Variants in TMC2 observed in about 807,000 individuals in gnomAD.
TMC2 encodes the protein transmembrane channel like 2.
In TMC2, 102 loss-of-function variants were observed where a neutral mutation model predicts 105.9. The ratio of observed to expected loss-of-function variants is 0.96; its 90% CI spans 0.82 to 1.14. The LOEUF (loss-of-function observed/expected upper bound fraction) is 1.14, where lower values mean the gene tolerates loss of function less well. Among genes scored for constraint, TMC2 ranks in the 50% most tolerant of loss-of-function variants. TMC2 has a pLI of 0.00. For missense variants in TMC2, 1,093 were observed against 1,134.3 expected (o/e 0.96, Z 0.52); for synonymous variants, 402 against 422.8 (o/e 0.95, Z 0.60).
chr20:2,537,393 C>T (rs115315122), intron 2 of TMC2, 77 bp downstream of exon 2: 1 of 1,184,676 alleles, frequency 8.4e-7, no homozygotes, highest in Non-Finnish European at 1.2e-6. Flanking sequence ...GTCCAGCCAC[C>T]CATCCAACAT....
chr20:2,633,566 T>C (rs1369354368), intron 17 of TMC2, among the ~76,000 whole-genome samples: 1 of 152,232 alleles, frequency 6.6e-6, no homozygotes, highest in African/African-American at 2.4e-5. Context: ...TTCACACTGA[T>C]TGGGCTTTGA....
rs1214364338 is a variant in TMC2, at chr20:2,592,278, C to T, written c.835-32C>T. On this transcript the variant is annotated intron_variant, in intron 7 of 19. Transcript: ENST00000358864. This position sits in a 1 kb window ranked among gnomAD's most constrained non-coding sequence, Gnocchi z 4.9. ...TCTCTGTGTGTTTGTATTTCCTCCA[C>T]TCATACTTGTGTCATTGTGTTTCTG... 1.4e-6 allele frequency: 2 copies of T among 1,435,158 alleles called. No homozygotes were observed. Among genetic ancestry groups the T allele is most frequent in the South Asian group, 2.3e-5 (2 of 86,762 alleles). The allele number at this position is 1,435,158 out of a possible 1,614,324, so 88.9% of individuals were successfully genotyped here. A position where few individuals can be genotyped will look rare whatever the true frequency, so the allele number is the denominator to read the frequency against.
chr20:2,635,368 G>T (rs947186641), intron 17 of TMC2, among the ~76,000 whole-genome samples: 4 of 152,332 alleles, frequency 2.6e-5, no homozygotes, highest in Middle Eastern at 3.4e-3. Flanking sequence ...CCCTCTCAGG[G>T]TTTGAAAACT....
At position 2,543,903 on chromosome 20, in the gene TMC2, G is replaced by GATTT. The variant is rs3051735; in HGVS notation, c.82+6587_82+6588insATTT. Reference sequence around the variant, plus strand: ...GGCAGCTGTTTCAACCTGCATGTCAGTTTTTTTTTTTTTTTTTGAGACAGA... The same window carrying GATTT: ...GGCAGCTGTTTCAACCTGCATGTCAGATTTTTTTTTTTTTTTTTTTTGAGACAGA... On this transcript the variant is annotated intron_variant, in intron 2 of 19. Coordinates refer to ENST00000358864, the MANE Select transcript of TMC2 (RefSeq NM_080751.3). 2.3e-4 allele frequency among the ~76,000 whole-genome samples: 33 copies of GATTT among 144,206 alleles called. 2 individuals carry two copies. Among genetic ancestry groups the GATTT allele is most frequent in the South Asian group, 4.3e-4 (2 of 4,598 alleles). The allele number at this position is 144,206 out of a possible 152,430, so 94.6% of individuals were successfully genotyped here. A position where few individuals can be genotyped will look rare whatever the true frequency, so the allele number is the denominator to read the frequency against.
At chr20:2,619,356 A>G (rs1278321740) in intron 16 of TMC2, among the ~76,000 whole-genome samples, 2 of 152,202 alleles carry the variant, frequency 1.3e-5, no homozygotes, top group Non-Finnish European at 2.9e-5. Flanking sequence ...CTGCAGCAGC[A>G]TCAAGGGTTG....
At chr20:2,576,913 G>GTT (rs71193977) in intron 5 of TMC2, among the ~76,000 whole-genome samples, 8 of 106,158 alleles carry the variant, frequency 7.5e-5, no homozygotes, top group East Asian at 2.4e-4. Context: ...TTTTTTTTTT[G>GTT]TTTTTTTTTT....
At chr20:2,583,178 C>A (rs2086207220) in intron 7 of TMC2, among the ~76,000 whole-genome samples, 2 of 152,230 alleles carry the variant, frequency 1.3e-5, no homozygotes, top group African/African-American at 4.8e-5. Flanking sequence ...ATCCTTCTCT[C>A]CTGGTATTCA....
At chr20:2,545,809 A>AGAG (rs1183017582) in intron 2 of TMC2, among the ~76,000 whole-genome samples, 47 of 137,032 alleles carry the variant, frequency 3.4e-4, no homozygotes, top group African/African-American at 6.3e-4. Context: ...AGGAAGAAGA[A>AGAG]GAAGAGGAAG....
At chr20:2,625,784 G>A (rs2086560440) in intron 17 of TMC2, among the ~76,000 whole-genome samples, 1 of 152,220 alleles carries the variant, frequency 6.6e-6, no homozygotes. Context: ...TCATCAGCAT[G>A]TGTTTCTTCA....
chr20:2,561,761 G>A, intron 3 of TMC2, 97 bp from the exon 4 acceptor site: 1 of 1,417,348 alleles, frequency 7.1e-7, no homozygotes, highest in Non-Finnish European at 9.6e-7. Flanking sequence ...CAGGGGAAGG[G>A]GTGCCATCTT....
intron 19 of TMC2, among the ~76,000 whole-genome samples, chr20:2,640,370 C>A (rs6138640): frequency 0.75 from 113,814 of 152,098 alleles, 42,756 homozygotes; most frequent in East Asian, 0.87. Flanking sequence ...ATTAAGTATT[C>A]GCTATAATAA....
intron 2 of TMC2, among the ~76,000 whole-genome samples, chr20:2,542,698 A>AT (rs34716851): frequency 0.29 from 38,890 of 135,714 alleles, 6,048 homozygotes; most frequent in Admixed American, 0.38. Flanking sequence ...TTAGTCCACA[A>AT]TTTTTTTTTT....
Position 2,616,747 on chromosome 20 carries a change from T to C in TMC2, c.1941-325T>C, listed in dbSNP as rs777055647. 6.6e-6 allele frequency among the ~76,000 whole-genome samples: 1 copy of C among 152,222 alleles called. No homozygotes were observed. The highest frequency in any genetic ancestry group is 1.5e-5 in the Non-Finnish European group (1 of 68,040). On this transcript the variant is annotated intron_variant, in intron 15 of 19. Transcript: ENST00000358864. This position sits in a 1 kb window ranked among gnomAD's most constrained non-coding sequence, Gnocchi z 4.8. ...AATTGAAGGACTTCAAATACTCTTC[T>C]GAGCAGCAATGCTGTTTTATGGAAA...
chr20:2,558,845 C>T lies in TMC2; in HGVS notation c.401+71C>T. 7.0e-7 allele frequency: 1 copy of T among 1,421,098 alleles called. No individual in the cohort carries two copies. Among genetic ancestry groups the T allele is most frequent in the Non-Finnish European group, 9.4e-7 (1 of 1,069,022 alleles). 88.0% of individuals were successfully genotyped at this position (1,421,098 alleles called of 1,614,324 possible). On this transcript the variant is annotated intron_variant, in intron 3 of 19. Transcript: ENST00000358864. The surrounding 1 kb of genome is among the most constrained non-coding windows in gnomAD (Gnocchi z 4.6). ...CTCCTTCGCGGCCCTTCCCCTTCCCCCGTGAGGGACTGATGCCCCCCTCCC... is the reference window on the plus strand; with the variant it reads ...CTCCTTCGCGGCCCTTCCCCTTCCCTCGTGAGGGACTGATGCCCCCCTCCC...
rs112938020 is a variant in TMC2, at chr20:2,597,256, G to C, written c.1182G>C (p.Glu394Asp). The change falls in exon 10 of 20, where the codon GAG becomes GAC. Residue 394 changes from glutamate to aspartate, a missense_variant. Coordinates refer to ENST00000358864, the MANE Select transcript of TMC2 (RefSeq NM_080751.3). ...GGGACTACCTGATCGGGAATTCAGA[G>C]ACAGCTGATAACAAATATGCATCCA... is the stretch of plus-strand genomic sequence containing the variant. Reference protein sequence around the residue: ...TSWDYLIGNSETADNKYASIT... With the variant: ...TSWDYLIGNSDTADNKYASIT... 624 of 1,614,056 alleles carry C rather than the reference G, an allele frequency of 3.9e-4. 2 individuals carry two copies. The African/African-American group carries it at 6.9e-3, about 18-fold the overall frequency.
chr20:2,559,202 G>A (rs941264986), intron 3 of TMC2, among the ~76,000 whole-genome samples: 5 of 152,208 alleles, frequency 3.3e-5, no homozygotes, highest in African/African-American at 9.6e-5. Context: ...AACCATCTGA[G>A]GGCTTAAGCA....
chr20:2,547,849 A>G (rs888853112), intron 2 of TMC2, among the ~76,000 whole-genome samples: 4 of 152,268 alleles, frequency 2.6e-5, no homozygotes, highest in Admixed American at 1.3e-4. Context: ...TATCTTAAAT[A>G]AAATTTCTTT....
intron 1 of TMC2, 92 bp downstream of exon 1, chr20:2,536,747 T>C: frequency 7.1e-7 from 1 of 1,416,558 alleles, no homozygotes; most frequent in Non-Finnish European, 9.8e-7. Context: ...TTCAGAGGCA[T>C]AGGGAGGAGC....
intron 14 of TMC2, among the ~76,000 whole-genome samples, chr20:2,614,626 G>A (rs2086466841): frequency 6.6e-6 from 1 of 151,950 alleles, no homozygotes; most frequent in South Asian, 2.1e-4. Context: ...AAAGGAACTA[G>A]ACTTACCATA....
Sources: gnomAD v4.1 joint callset for allele counts (sites outside exome capture counted in the v4.1 genomes callset) on GRCh38, gnomAD v4.1.1 for gene constraint, Gnocchi (gnomAD v3.1) non-coding constraint, MANE v1.5 for transcripts, NCBI Gene and HGNC (gene_info 2026-07-23, HGNC 2026-07-21) for gene names.